The following ADAMTSL1 variants were observed in gnomAD, a reference collection of about 807,000 sequenced individuals.
ADAMTSL1 encodes the protein ADAMTS-like protein 1.
A neutral mutation model predicts 201.8 loss-of-function variants in ADAMTSL1; 126 were observed. The observed-to-expected ratio is 0.62, with a 90% CI of 0.54 to 0.72. The LOEUF is 0.72. ADAMTSL1 is among the 30% of genes least tolerant of loss of function. The pLI, the probability that ADAMTSL1 is intolerant of heterozygous loss-of-function variation, is 0.00. For missense variants in ADAMTSL1, 2,679 were observed against 2,277.8 expected (o/e 1.18, Z -3.59); for synonymous variants, 1,121 against 903.4 (o/e 1.24, Z -4.32).
chr9:18,004,134 C>G (rs1819721881), intron 1 of ADAMTSL1, among the ~76,000 whole-genome samples: 1 of 151,924 alleles, frequency 6.6e-6, no homozygotes, highest in Non-Finnish European at 1.5e-5. Flanking sequence ...AATTTTCATT[C>G]AACTGCTGAG....
intron 1 of ADAMTSL1, among the ~76,000 whole-genome samples, chr9:17,974,089 C>T (rs1005224137): frequency 4.0e-5 from 6 of 151,888 alleles, no homozygotes; most frequent in South Asian, 4.1e-4. Flanking sequence ...ATTGATGGGA[C>T]GTATCTCAAA....
intron 20 of ADAMTSL1, among the ~76,000 whole-genome samples, chr9:18,815,556 A>C (rs1016901151): frequency 1.3e-4 from 20 of 151,164 alleles, no homozygotes; most frequent in Admixed American, 1.2e-3. Flanking sequence ...AAAAAAAAAA[A>C]TTCTATCCAG....
intron 19 of ADAMTSL1, among the ~76,000 whole-genome samples, chr9:18,788,295 C>T (rs1027201601): frequency 2.0e-5 from 3 of 152,060 alleles, no homozygotes; most frequent in Non-Finnish European, 2.9e-5. Context: ...TTTTGCCTCC[C>T]GTTTGAAAGT....
chr9:18,823,080 A>G (rs1824314859), intron 21 of ADAMTSL1, among the ~76,000 whole-genome samples: 1 of 152,224 alleles, frequency 6.6e-6, no homozygotes, highest in Non-Finnish European at 1.5e-5. Flanking sequence ...TGTCTTAGTA[A>G]TATCATTCTC....
intron 15 of ADAMTSL1, among the ~76,000 whole-genome samples, chr9:18,739,979 T>G (rs550242594): frequency 1.3e-5 from 2 of 152,156 alleles, no homozygotes; most frequent in East Asian, 3.9e-4. Flanking sequence ...AATAGCTAGC[T>G]GCTTCGTCTC....
intron 17 of ADAMTSL1, among the ~76,000 whole-genome samples, chr9:18,772,326 G>C (rs1489972959): frequency 6.6e-6 from 1 of 152,172 alleles, no homozygotes; most frequent in African/African-American, 2.4e-5. Flanking sequence ...TGTGTTCCTG[G>C]AGTTTGTGGC....
chr9:17,926,059 C>G (rs1033767889), intron 1 of ADAMTSL1, among the ~76,000 whole-genome samples: 1 of 152,062 alleles, frequency 6.6e-6, no homozygotes, highest in Non-Finnish European at 1.5e-5. Flanking sequence ...AAACAAAATA[C>G]CTGCAGATAC....
At chr9:18,183,565 C>A (rs1028336153) in intron 2 of ADAMTSL1, among the ~76,000 whole-genome samples, 3 of 152,062 alleles carry the variant, frequency 2.0e-5, no homozygotes, top group Non-Finnish European at 4.4e-5. Context: ...AAGACCTTAA[C>A]AGATACCTCA....
chr9:18,732,423 A>G (rs1235734703), intron 15 of ADAMTSL1, among the ~76,000 whole-genome samples: 1 of 152,166 alleles, frequency 6.6e-6, no homozygotes, highest in Non-Finnish European at 1.5e-5. Flanking sequence ...ACCTAATCCA[A>G]TAAGGTGTGT....
chr9:18,057,791 C>G (rs939249375), intron 1 of ADAMTSL1, among the ~76,000 whole-genome samples: 3 of 152,206 alleles, frequency 2.0e-5, no homozygotes, highest in Non-Finnish European at 2.9e-5. Flanking sequence ...CTTCCTAGCA[C>G]TCGTCTGGCT....
chr9:18,261,256 G>C (rs529873744), intron 2 of ADAMTSL1, among the ~76,000 whole-genome samples: 8 of 152,248 alleles, frequency 5.3e-5, no homozygotes, highest in Admixed American at 3.3e-4. Context: ...GGTTGCTTGA[G>C]AGAGGCCTTT....
intron 1 of ADAMTSL1, among the ~76,000 whole-genome samples, chr9:18,000,175 G>C (rs959673173): frequency 6.6e-6 from 1 of 150,592 alleles, no homozygotes; most frequent in African/African-American, 2.4e-5. Flanking sequence ...CTGAGGAATC[G>C]CCACACTGAC....
chr9:18,378,428 G>A (rs1837401785), intron 2 of ADAMTSL1, among the ~76,000 whole-genome samples: 1 of 152,076 alleles, frequency 6.6e-6, no homozygotes, highest in Non-Finnish European at 1.5e-5. Context: ...AGGATTGAGA[G>A]GTCTTTTTAA....
intron 23 of ADAMTSL1, among the ~76,000 whole-genome samples, chr9:18,857,880 C>T (rs1349347935): frequency 3.3e-5 from 5 of 152,104 alleles, no homozygotes; most frequent in Non-Finnish European, 7.4e-5. Flanking sequence ...TCTTTTGACA[C>T]GTTCATATCA....
intron 3 of ADAMTSL1, among the ~76,000 whole-genome samples, chr9:18,537,660 G>A (rs1819854023): frequency 6.6e-6 from 1 of 152,050 alleles, no homozygotes; most frequent in Non-Finnish European, 1.5e-5. Context: ...AGGGTCACTT[G>A]AGGCCAGGAG....
intron 11 of ADAMTSL1, 114 bp from the exon 12 acceptor site, chr9:18,681,698 G>GTGTGGGT (rs66675938): frequency 1.5e-5 from 5 of 323,008 alleles, no homozygotes; most frequent in East Asian, 6.3e-5. Context: ...GTCCTCGTGT[G>GTGTGGGT]GGGGGGGGGG....
intron 7 of ADAMTSL1, among the ~76,000 whole-genome samples, chr9:18,649,058 C>A (rs1322988769): frequency 1.3e-5 from 2 of 151,814 alleles, no homozygotes; most frequent in African/African-American, 2.4e-5. Context: ...TTCACATAGT[C>A]CCATATTTCT....
At chr9:17,974,728 G>A (rs950233801) in intron 1 of ADAMTSL1, among the ~76,000 whole-genome samples, 1 of 151,994 alleles carries the variant, frequency 6.6e-6, no homozygotes, top group South Asian at 2.1e-4. Context: ...AATGTTTCAT[G>A]ATATATATGT....
chr9:18,558,396 A>G (rs1821244064), intron 3 of ADAMTSL1, among the ~76,000 whole-genome samples: 1 of 152,076 alleles, frequency 6.6e-6, no homozygotes, highest in Non-Finnish European at 1.5e-5. Context: ...CATTTTCTTA[A>G]TCCAGTCTAT....
Sources: allele counts gnomAD v4.1 joint callset (sites outside exome capture counted in the v4.1 genomes callset), GRCh38; gene constraint gnomAD v4.1.1; transcripts MANE v1.5; gene names NCBI Gene and HGNC (gene_info 2026-07-23, HGNC 2026-07-21).